The following OS9 variants were observed in gnomAD, a reference collection of about 807,000 sequenced individuals.
The protein encoded by OS9 is protein OS-9.
A neutral mutation model predicts 84.7 loss-of-function variants in OS9; 58 were observed. The observed-to-expected ratio is 0.68, with a 90% CI of 0.55 to 0.85. OS9 has a LOEUF of 0.85. OS9 is among the 40% of genes least tolerant of loss of function. The pLI is 0.00. For missense variants in OS9, 760 were observed against 850.9 expected (o/e 0.89, Z 1.33); for synonymous variants, 278 against 320.8 (o/e 0.87, Z 1.43).
At chr12:57,694,346 G>C (rs1362387803) in intron 1 of OS9, 23 bp downstream of exon 1, 6 of 1,613,194 alleles carry the variant, frequency 3.7e-6, no homozygotes, top group Non-Finnish European at 5.1e-6. Context: ...TAAGGGGCGA[G>C]GGTCTGGGCA....
chr12:57,718,282 A>AT lies in OS9; in HGVS notation c.1272dup (p.Glu425Ter). The AT allele has an allele frequency of 6.2e-7, 1 of 1,612,736 alleles. No individual in the cohort carries two copies. The highest frequency in any genetic ancestry group is 1.1e-5 in the South Asian group (1 of 91,082). On this transcript the variant is annotated frameshift_variant, in exon 11 of 15. Transcript: ENST00000315970. LOFTEE classifies it high-confidence loss of function. ...GAGGAGGATGAGGATGAGGATGAGG[A>AT]TGAAGATGAGGATGAACGGCAGTTA...
chr12:57,713,209 AT>A (rs1954381641), intron 5 of OS9, among the ~76,000 whole-genome samples: 2 of 152,124 alleles, frequency 1.3e-5, no homozygotes, highest in South Asian at 4.1e-4. Context: ...TGAAGTGCCT[AT>A]AGGCTTGAAT....
chr12:57,715,796 T>C lies in OS9; in HGVS notation c.616T>C (p.Tyr206His). The C allele has an allele frequency of 6.2e-7, 1 of 1,613,526 alleles. No homozygotes were observed. Residue 206 changes from tyrosine (Y) to histidine (H), a missense_variant, in exon 6 of 15, where the codon TAC becomes CAC. Coordinates refer to ENST00000315970, the MANE Select transcript of OS9 (RefSeq NM_006812.4). Reference protein sequence around the residue: ...CDEGAGISGDYIDRVDEPLSC... With the variant: ...CDEGAGISGDHIDRVDEPLSC... ...CGAGGGTGCAGGTATCTCTGGGGAC[T>C]ACATCGATCGCGTGGACGAGCCCTT... is the stretch of plus-strand genomic sequence containing the variant.
chr12:57,696,389 G>GGGAA lies in OS9; in HGVS notation c.579+18_579+21dup, dbSNP rs1192869543. 3 of 1,484,936 alleles carry GGGAA rather than the reference G, an allele frequency of 2.0e-6. No individual in the cohort carries two copies. Among genetic ancestry groups the GGGAA allele is most frequent in the Non-Finnish European group, 1.8e-6 (2 of 1,089,542 alleles). The allele number at this position is 1,484,936 out of a possible 1,614,324, so 92.0% of individuals were successfully genotyped here. On this transcript the variant is annotated intron_variant, in intron 5 of 14. Transcript: ENST00000315970. ...CGAGGTTCGGGTGAGTCTTGAGAGA[G>GGGAA]GGAAGTTGACACTCCCACAGGGACA...
chr12:57,696,851 C>T (rs1429215701), intron 5 of OS9, among the ~76,000 whole-genome samples: 2 of 150,978 alleles, frequency 1.3e-5, no homozygotes, highest in African/African-American at 4.9e-5. Flanking sequence ...CACGGTGGCT[C>T]ACGCCTGTAA....
chr12:57,716,361 C>A (rs1291433221), intron 7 of OS9, 51 bp from the exon 8 acceptor site: 31 of 1,455,732 alleles, frequency 2.1e-5, no homozygotes, highest in Non-Finnish European at 2.7e-5. Context: ...TTGCTCCCTT[C>A]TGTCTCACCC....
rs1233328471 is a variant in OS9 at position 57,715,763 on chromosome 12, C to G, written c.583C>G (p.Leu195Val). The G allele has an allele frequency of 1.2e-6, 2 of 1,601,186 alleles. No individual in the cohort carries two copies. The highest frequency in any genetic ancestry group is 8.5e-7 in the Non-Finnish European group (1 of 1,172,880). ...TTCATCCTTTCTGTCCTGGCAGTTC[C>G]TCTGTGACGAGGGTGCAGGTATCTC... is the stretch of plus-strand genomic sequence containing the variant. ...GRPREAEVRF[L>V]CDEGAGISGD... is the part of the protein sequence containing the mutation. The change falls in exon 6 of 15, where the codon CTC becomes GTC. Residue 195 changes from leucine (L) to valine (V), a missense_variant. By Grantham distance (32) the Leu-to-Val change is conservative (BLOSUM62 1). Coordinates refer to ENST00000315970, the MANE Select transcript of OS9 (RefSeq NM_006812.4).
chr12:57,694,891 T>A lies in OS9; in HGVS notation c.304T>A (p.Leu102Met), dbSNP rs1444972706. ...AYQGPGIPELLSPMRDAPCLL... is the reference protein window; with the variant it reads ...AYQGPGIPELMSPMRDAPCLL... ...CCAAGGGCCTGGGATCCCTGAGTTGTTGAGCCCAATGAGAGATGCTCCCTG... is the reference window on the plus strand; with the variant it reads ...CCAAGGGCCTGGGATCCCTGAGTTGATGAGCCCAATGAGAGATGCTCCCTG... The change falls in exon 2 of 15, where the codon TTG (leucine) becomes ATG (methionine). Residue 102 changes from leucine to methionine, a missense_variant. Coordinates refer to ENST00000315970, the MANE Select transcript of OS9 (RefSeq NM_006812.4). 1.2e-6 allele frequency: 2 copies of A among 1,614,170 alleles called. No homozygotes were observed. The highest frequency in any genetic ancestry group is 2.2e-5 in the East Asian group (1 of 44,876).
chr12:57,707,365 TAGC>T (rs764420610), intron 5 of OS9, among the ~76,000 whole-genome samples: 57 of 152,270 alleles, frequency 3.7e-4, no homozygotes, highest in South Asian at 8.3e-4. Flanking sequence ...ACAGGAAGCA[TAGC>T]AGCCTCTACT....
chr12:57,717,753 A>C, intron 9 of OS9, 117 bp from the exon 10 acceptor site: 1 of 713,048 alleles, frequency 1.4e-6, no homozygotes, highest in Non-Finnish European at 2.2e-6. Context: ...AGATTGCACC[A>C]CTGTGCTCCA....
chr12:57,706,825 G>C (rs904614180), intron 5 of OS9, among the ~76,000 whole-genome samples: 4 of 138,280 alleles, frequency 2.9e-5, no homozygotes, highest in Non-Finnish European at 4.6e-5. Context: ...CTCCAGCCTG[G>C]GTGACAGAGC....
intron 5 of OS9, among the ~76,000 whole-genome samples, chr12:57,710,775 C>T (rs1954301755): frequency 6.6e-6 from 1 of 152,128 alleles, no homozygotes; most frequent in Non-Finnish European, 1.5e-5. Context: ...CATGGTGGCT[C>T]ATGCCTGTAA....
chr12:57,694,443 T>A (rs775533143), intron 1 of OS9, 120 bp downstream of exon 1: 6 of 1,120,706 alleles, frequency 5.4e-6, no homozygotes, highest in Non-Finnish European at 6.4e-6. Flanking sequence ...AGAGTAGGTA[T>A]TGCTTTTACG....
intron 5 of OS9, among the ~76,000 whole-genome samples, chr12:57,712,623 C>G (rs978516698): frequency 6.6e-6 from 1 of 152,068 alleles, no homozygotes; most frequent in African/African-American, 2.4e-5. Flanking sequence ...TCATACTTTA[C>G]TGTTTCTGCA....
chr12:57,694,999 A>G (rs943548225), intron 2 of OS9, 73 bp downstream of exon 2: 1 of 1,362,260 alleles, frequency 7.3e-7, no homozygotes, highest in African/African-American at 1.4e-5. Flanking sequence ...AGTCCACTGA[A>G]TGAGGCAGGA....
Position 57,721,365 on chromosome 12 carries a change from T to A in OS9, c.*456T>A, listed in dbSNP as rs10403. 2 of 164,558 alleles carry A rather than the reference T, an allele frequency of 1.2e-5. No homozygotes were observed. The highest frequency in any genetic ancestry group is 1.3e-5 in the Non-Finnish European group (1 of 75,066). The allele number at this position is 164,558 out of a possible 1,614,324, so 10.2% of individuals were successfully genotyped here. A position where few individuals can be genotyped will look rare whatever the true frequency, so the allele number is the denominator to read the frequency against. On this transcript the variant is annotated 3_prime_UTR_variant, in exon 15 of 15. Transcript: ENST00000315970. ...CCTCTTCTATTGAATTGCCTTGGGA[T>A]TTCCTTCTCCCTTTCCCTGCCCACC...
chr12:57,696,195 G>T (rs1011068001), intron 4 of OS9, 80 bp from the exon 5 acceptor site: 8 of 1,306,434 alleles, frequency 6.1e-6, no homozygotes, highest in African/African-American at 2.9e-5. Context: ...CCATTCTTTT[G>T]TCTCTTTGGG....
At position 57,694,965 on chromosome 12, in the gene OS9, A is replaced by G. The variant is rs867114315; in HGVS notation, c.339+39A>G. 7 of 1,588,368 alleles carry G rather than the reference A, an allele frequency of 4.4e-6. No individual in the cohort carries two copies. In the South Asian group the frequency reaches 7.7e-5, roughly 18 times the overall value. On this transcript the variant is annotated intron_variant, in intron 2 of 14. Transcript: ENST00000315970. ...GGTTAGATAGAATGAGGGCTTGGAAACTAGCAGTTCATCCAAGAACTGGAG... is the reference window on the plus strand; with the variant it reads ...GGTTAGATAGAATGAGGGCTTGGAAGCTAGCAGTTCATCCAAGAACTGGAG...
rs753308786 is a variant in OS9, at chr12:57,720,529, T to C, written c.1878+11T>C. The C allele has an allele frequency of 1.3e-6, 2 of 1,571,908 alleles. No individual in the cohort carries two copies. Among genetic ancestry groups the C allele is most frequent in the Middle Eastern group, 1.7e-4 (1 of 5,984 alleles). On this transcript the variant is annotated intron_variant, in intron 14 of 14. Coordinates refer to ENST00000315970, the MANE Select transcript of OS9 (RefSeq NM_006812.4). The stretch of plus-strand genomic sequence containing the variant: ...TTCTTCAATATCTTGGTAAGAGGCT[T>C]CTACCCCCGAGTCCTGGCCCCCAGC...
Sources: allele counts gnomAD v4.1 joint callset (sites outside exome capture counted in the v4.1 genomes callset), GRCh38; gene constraint gnomAD v4.1.1; transcripts MANE v1.5; gene names NCBI Gene and HGNC (gene_info 2026-07-23, HGNC 2026-07-21).